The following C10orf143 variants were observed in gnomAD, a reference collection of about 807,000 sequenced individuals.
C10orf143 encodes the protein uncharacterized protein C10orf143.
At chr10:130,072,538 TA>T (rs1274715162) in intron 3 of C10orf143, among the ~76,000 whole-genome samples, 1 of 152,214 alleles carries the variant, frequency 6.6e-6, no homozygotes, top group Non-Finnish European at 1.5e-5. Flanking sequence ...GATGACTTTT[TA>T]AAAAAACTTC....
chr10:130,106,250 C>G (rs774285577), intron 1 of C10orf143: 1 of 1,492,006 alleles, frequency 6.7e-7, no homozygotes, highest in Non-Finnish European at 9.3e-7. Context: ...GGTTAGGAGT[C>G]GGCTTTATGT....
In C10orf143 at chr10:130,064,229, A is replaced by C. The variant is rs1412716648; in HGVS notation, c.*125T>G. On this transcript the variant is annotated 3_prime_UTR_variant, in exon 4 of 4. Coordinates refer to ENST00000637128, the MANE Select transcript of C10orf143 (RefSeq NM_001355042.2). Reference sequence around the variant, plus strand: ...GACAGACAAACCTCCCCCCACCCACAGAGGACACCGGGCTGCTATTTGAAC... The same window carrying C: ...GACAGACAAACCTCCCCCCACCCACCGAGGACACCGGGCTGCTATTTGAAC... The C allele has an allele frequency of 2.5e-6, 1 of 394,772 alleles. No homozygotes were observed. Among genetic ancestry groups the C allele is most frequent in the African/African-American group, 2.1e-5 (1 of 48,504 alleles). 24.5% of individuals were successfully genotyped at this position (394,772 alleles called of 1,614,324 possible).
chr10:130,093,888 T>C (rs1235204101), intron 1 of C10orf143, among the ~76,000 whole-genome samples: 1 of 151,636 alleles, frequency 6.6e-6, no homozygotes, highest in Non-Finnish European at 1.5e-5. Flanking sequence ...CGGGCACCTG[T>C]AGTCCCAGCT....
chr10:130,073,692 C>T (rs1861069230), intron 3 of C10orf143, among the ~76,000 whole-genome samples: 1 of 152,078 alleles, frequency 6.6e-6, no homozygotes, highest in Non-Finnish European at 1.5e-5. Flanking sequence ...TTTTATCTAA[C>T]ATGTTTGTAG....
intron 3 of C10orf143, among the ~76,000 whole-genome samples, chr10:130,076,319 C>T (rs1372619262): frequency 6.6e-6 from 1 of 152,184 alleles, no homozygotes; most frequent in East Asian, 1.9e-4. Flanking sequence ...CCTTCTCCCC[C>T]ACATTCCTGT....
chr10:130,058,595 T>C (rs969992918), intron 3 of C10orf143, among the ~76,000 whole-genome samples: 70 of 151,396 alleles, frequency 4.6e-4, no homozygotes, highest in African/African-American at 1.6e-3. Flanking sequence ...TTTTTTTTTT[T>C]CAGAAATGAT....
Position 130,056,589 on chromosome 10 carries a change from T to G in C10orf143, c.298-20619A>C, listed in dbSNP as rs950242725. On this transcript the variant is annotated intron_variant and NMD_transcript_variant, in intron 3 of 5. Transcript: ENST00000643056. The surrounding 1 kb of genome is among the most constrained non-coding windows in gnomAD (Gnocchi z 4.6). The stretch of plus-strand genomic sequence containing the variant: ...TCATTTTTTTAAATTAAATTAAATC[T>G]ATTTTATTTTATTTTATTTTGAAAT... 1.3e-5 allele frequency among the ~76,000 whole-genome samples: 2 copies of G among 151,314 alleles called. No homozygotes were observed. Among genetic ancestry groups the G allele is most frequent in the African/African-American group, 4.9e-5 (2 of 40,652 alleles).
intron 1 of C10orf143, chr10:130,103,947 A>G (rs1475015212): frequency 6.6e-6 from 1 of 152,172 alleles, no homozygotes; most frequent in Non-Finnish European, 1.5e-5. Flanking sequence ...CCTGGTCTTC[A>G]GTGAGTTCTT....
chr10:130,052,762 A>G (rs1749344), intron 3 of C10orf143, among the ~76,000 whole-genome samples: 134,293 of 152,290 alleles, frequency 0.88, 59,649 homozygotes, highest in Non-Finnish European at 0.93. Flanking sequence ...AATCAGCGTT[A>G]CTCTTTCATG....
intron 1 of C10orf143, chr10:130,106,556 A>C (rs1237932554): frequency 1.3e-6 from 2 of 1,584,250 alleles, no homozygotes; most frequent in Non-Finnish European, 1.7e-6. Context: ...GGATATTTCA[A>C]AAACGATACA....
chr10:130,107,075 A>C, intron 1 of C10orf143: 2 of 1,556,760 alleles, frequency 1.3e-6, no homozygotes, highest in South Asian at 1.1e-5. Context: ...AATTGATAAA[A>C]CAAAGGAAGA....
chr10:130,041,813 G>GCACACA (rs10551202), intron 3 of C10orf143, among the ~76,000 whole-genome samples: 5,684 of 150,666 alleles, frequency 0.038, 329 homozygotes, highest in African/African-American at 0.13. Flanking sequence ...AATAAGCTCT[G>GCACACA]CACACACACA....
chr10:130,059,505 C>T (rs542875713), downstream of C10orf143, among the ~76,000 whole-genome samples: 20 of 152,194 alleles, frequency 1.3e-4, no homozygotes, highest in Admixed American at 7.2e-4. Context: ...TAAGCATCTC[C>T]AAAAAGCAGT....
At chr10:130,074,230 A>G (rs1452703129) in intron 3 of C10orf143, among the ~76,000 whole-genome samples, 1 of 152,228 alleles carries the variant, frequency 6.6e-6, no homozygotes, top group Non-Finnish European at 1.5e-5. Flanking sequence ...GGTGCATGGC[A>G]GTCCAATGGC....
At chr10:130,090,483 C>T (rs954317120) in intron 1 of C10orf143, among the ~76,000 whole-genome samples, 11 of 152,240 alleles carry the variant, frequency 7.2e-5, no homozygotes, top group African/African-American at 2.2e-4. Context: ...CAAAACTGGG[C>T]GGCCATTTGG....
rs535228087 is a variant in C10orf143, at chr10:130,084,782, GA to G, written c.70-4882del. The stretch of plus-strand genomic sequence containing the variant: ...TCGAAATACCATTTTCCCTTAAAAG[GA>G]ATCTGGACTCCATGGGAAGCAGCTG... On this transcript the variant is annotated intron_variant, in intron 1 of 3. Coordinates refer to ENST00000637128, the MANE Select transcript of C10orf143 (RefSeq NM_001355042.2). Among the ~76,000 whole-genome samples, 869 of 152,158 alleles carry G rather than the reference GA, an allele frequency of 5.7e-3. 6 individuals carry two copies. The highest frequency in any genetic ancestry group is 0.02 in the African/African-American group (811 of 41,488).
chr10:130,098,017 T>TAAAAAAAA (rs59790850), intron 1 of C10orf143, among the ~76,000 whole-genome samples: 1 of 146,876 alleles, frequency 6.8e-6, no homozygotes. Context: ...ATTACACACT[T>TAAAAAAAA]AAAAAAAAAA....
intron 1 of C10orf143, chr10:130,106,182 G>A (rs778438171): frequency 1.9e-5 from 17 of 901,680 alleles, no homozygotes; most frequent in Non-Finnish European, 1.8e-6. Context: ...ATGGTGATAT[G>A]TGCAGCTGTT....
At chr10:130,099,588 G>C (rs1156236410) in intron 1 of C10orf143, among the ~76,000 whole-genome samples, 1 of 151,774 alleles carries the variant, frequency 6.6e-6, no homozygotes, top group Non-Finnish European at 1.5e-5. Flanking sequence ...CCAGGCTAGA[G>C]TGCAGAGGCA....
Sources: allele counts gnomAD v4.1 joint callset (sites outside exome capture counted in the v4.1 genomes callset), GRCh38; gene constraint gnomAD v4.1.1; non-coding constraint Gnocchi (gnomAD v3.1); transcripts MANE v1.5; gene names NCBI Gene and HGNC (gene_info 2026-07-23, HGNC 2026-07-21).